LDB2: variants seen among roughly 807,000 people sequenced by gnomAD.
LDB2 encodes LIM domain-binding protein 2.
Under a neutral mutation model 44.3 loss-of-function variants are expected in LDB2, and 12 were observed. That is an observed-to-expected ratio of 0.27 (90% CI 0.17 to 0.44). The LOEUF (loss-of-function observed/expected upper bound fraction) is 0.44. LDB2 is among the 20% of genes least tolerant of loss of function. The pLI, the probability that LDB2 is intolerant of heterozygous loss-of-function variation, is 1.00. For missense variants in LDB2, 344 were observed against 473.5 expected, an observed-to-expected ratio of 0.73 and a Z score of 2.54; for synonymous variants, 164 against 174.8, an observed-to-expected ratio of 0.94 and a Z score of 0.49.
rs140614064 is a variant in LDB2 at position 16,542,725 on chromosome 4, AT to A, written c.616-30622del. On this transcript the variant is annotated intron_variant, in intron 5 of 7. Transcript: ENST00000304523. ...CCTAAACTCTAAATAATGCTCAATAATTTTTTTTTAACCAATTTACAAATGG... is the reference window on the plus strand; with the variant it reads ...CCTAAACTCTAAATAATGCTCAATAATTTTTTTTAACCAATTTACAAATGG... Among the ~76,000 whole-genome samples the A allele has an allele frequency of 5.2e-3, 781 of 151,446 alleles. 4 individuals are homozygous for A. The highest frequency in any genetic ancestry group is 9.2e-3 in the Non-Finnish European group (625 of 67,864).
At chr4:16,809,448 T>C (rs572339529) in intron 1 of LDB2, among the ~76,000 whole-genome samples, 6 of 152,224 alleles carry the variant, frequency 3.9e-5, no homozygotes, top group Non-Finnish European at 1.5e-5. Flanking sequence ...TTTCTTGAGA[T>C]AGAGAAGAGT....
chr4:16,516,873 C>T (rs552780948), intron 5 of LDB2, among the ~76,000 whole-genome samples: 12 of 152,312 alleles, frequency 7.9e-5, no homozygotes, highest in African/African-American at 2.9e-4. Flanking sequence ...CATTTTTCTT[C>T]CAGTGGAGAG....
intron 1 of LDB2, among the ~76,000 whole-genome samples, chr4:16,870,786 C>A (rs1168611016): frequency 1.3e-5 from 2 of 152,132 alleles, no homozygotes; most frequent in South Asian, 4.1e-4. Flanking sequence ...GTGTCCGCCA[C>A]CACACCTGGC....
At chr4:16,755,487 G>A (rs1766357803) in intron 2 of LDB2, among the ~76,000 whole-genome samples, 1 of 89,622 alleles carries the variant, frequency 1.1e-5, no homozygotes, top group South Asian at 5.4e-4. Context: ...GTGTGTGTGT[G>A]TGTGTGTGTG....
In LDB2 at chr4:16,552,288, G is replaced by A. The variant is rs537240847; in HGVS notation, c.615+33634C>T. Among the ~76,000 whole-genome samples, 6 of 152,058 alleles carry A rather than the reference G, an allele frequency of 3.9e-5. No individual in the cohort carries two copies. In the South Asian group the frequency reaches 1.3e-3, roughly 32 times the overall value. Reference sequence around the variant, plus strand: ...GCGGTGACCCAGGAGTGTGTACAAAGCATTAAAAAATCCACTTTTTATTAT... The same window carrying A: ...GCGGTGACCCAGGAGTGTGTACAAAACATTAAAAAATCCACTTTTTATTAT... On this transcript the variant is annotated intron_variant, in intron 5 of 7. Transcript: ENST00000304523.
intron 6 of LDB2, 151 bp downstream of exon 6, chr4:16,511,830 G>T: frequency 1.2e-6 from 1 of 841,252 alleles, no homozygotes. Context: ...CAAATTCATT[G>T]TCTTTATGTC....
chr4:16,637,509 G>T (rs796173267), intron 2 of LDB2, among the ~76,000 whole-genome samples: 15 of 152,040 alleles, frequency 9.9e-5, no homozygotes, highest in African/African-American at 3.6e-4. Flanking sequence ...GTGCAGGGCT[G>T]GCTACGTGGT....
chr4:16,541,327 G>A (rs1282389645), intron 5 of LDB2, among the ~76,000 whole-genome samples: 2 of 152,106 alleles, frequency 1.3e-5, no homozygotes, highest in African/African-American at 4.8e-5. Flanking sequence ...CTGCCTCCTT[G>A]CTCCTGCATT....
intron 2 of LDB2, among the ~76,000 whole-genome samples, chr4:16,606,575 T>G (rs1034963742): frequency 6.6e-6 from 1 of 152,182 alleles, no homozygotes; most frequent in Non-Finnish European, 1.5e-5. Flanking sequence ...TTTATCTGCA[T>G]GTAAATGATA....
chr4:16,681,758 A>G (rs1490957361), intron 2 of LDB2, among the ~76,000 whole-genome samples: 3 of 150,320 alleles, frequency 2.0e-5, no homozygotes, highest in Non-Finnish European at 2.9e-5. Context: ...TTTTTAGTAG[A>G]GACGGGGTTT....
chr4:16,857,987 C>T (rs547582843), intron 1 of LDB2, among the ~76,000 whole-genome samples: 2 of 152,186 alleles, frequency 1.3e-5, no homozygotes, highest in South Asian at 4.1e-4. Context: ...CTGAATGAGC[C>T]TCAGTTTCCT....
intron 1 of LDB2, among the ~76,000 whole-genome samples, chr4:16,766,492 GTGTGTGTGTGTGTA>G (rs1407683995): frequency 0.018 from 2,232 of 123,334 alleles, 40 homozygotes; most frequent in East Asian, 0.077. Context: ...GTGTGTGTGT[GTGTGTGTGTGTGTA>G]TATATTTTTT....
chr4:16,823,166 AT>A (rs1782428719), intron 1 of LDB2, among the ~76,000 whole-genome samples: 1 of 152,216 alleles, frequency 6.6e-6, no homozygotes, highest in Non-Finnish European at 1.5e-5. Flanking sequence ...TCACCATAGA[AT>A]TTGATTCACA....
chr4:16,631,980 G>C (rs1015735102), intron 2 of LDB2, among the ~76,000 whole-genome samples: 2 of 152,194 alleles, frequency 1.3e-5, no homozygotes, highest in Non-Finnish European at 1.5e-5. Context: ...AGACCAGACT[G>C]ATTCACAGCC....
chr4:16,602,990 T>C (rs945146342), intron 2 of LDB2, among the ~76,000 whole-genome samples: 3 of 152,206 alleles, frequency 2.0e-5, no homozygotes, highest in Admixed American at 2.0e-4. Flanking sequence ...GAAGCTTACA[T>C]GTAAACCTGA....
intron 1 of LDB2, among the ~76,000 whole-genome samples, chr4:16,760,997 CTGTG>C (rs1177195084): frequency 1.3e-5 from 2 of 151,032 alleles, no homozygotes; most frequent in African/African-American, 4.9e-5. Context: ...TCCACTTCTT[CTGTG>C]TGTGTGGTTT....
chr4:16,548,448 C>T (rs1280159722), intron 5 of LDB2, among the ~76,000 whole-genome samples: 4 of 152,182 alleles, frequency 2.6e-5, no homozygotes, highest in Admixed American at 6.5e-5. Context: ...CAGCCTCTTC[C>T]AGACACTCTC....
chr4:16,853,700 A>G (rs1788745821), intron 1 of LDB2, among the ~76,000 whole-genome samples: 2 of 152,190 alleles, frequency 1.3e-5, no homozygotes, highest in African/African-American at 2.4e-5. Context: ...AGCATTTTCC[A>G]CAATAGTCAA....
intron 2 of LDB2, among the ~76,000 whole-genome samples, chr4:16,627,751 C>T (rs1019512966): frequency 7.2e-5 from 11 of 152,182 alleles, no homozygotes; most frequent in Admixed American, 6.5e-4. Flanking sequence ...ATTTAGTGAC[C>T]TGCTTCTAGC....
Sources: gnomAD v4.1 joint callset for allele counts (sites outside exome capture counted in the v4.1 genomes callset) on GRCh38, gnomAD v4.1.1 for gene constraint, MANE v1.5 for transcripts, NCBI Gene and HGNC (gene_info 2026-07-23, HGNC 2026-07-21) for gene names.